PKIB: variants seen among roughly 807,000 people sequenced by gnomAD.
PKIB encodes the protein PKI-beta.
In PKIB, 2 loss-of-function variants were observed where a neutral mutation model predicts 4.5. The ratio of observed to expected loss-of-function variants is 0.44; its 90% CI spans 0.18 to 1.39. The LOEUF (loss-of-function observed/expected upper bound fraction) is 1.39, where lower values mean the gene tolerates loss of function less well. Among genes scored for constraint, PKIB ranks in the 40% most tolerant of loss-of-function variants. The pLI is 0.27. For synonymous variants in PKIB, 38 were observed against 36.0 expected, an observed-to-expected ratio of 1.06 and a Z score of -0.20; for missense variants, 94 against 92.6, an observed-to-expected ratio of 1.02 and a Z score of -0.06.
At chr6:122,702,529 A>C (rs190179027) in intron 3 of PKIB, among the ~76,000 whole-genome samples, 236 of 152,016 alleles carry the variant, frequency 1.6e-3, no homozygotes, top group Non-Finnish European at 2.7e-3. Flanking sequence ...AGTTTTCGCC[A>C]TGTTGGTCTC....
chr6:122,474,566 T>C (rs554334436), intron 1 of PKIB, among the ~76,000 whole-genome samples: 4 of 152,208 alleles, frequency 2.6e-5, no homozygotes, highest in Admixed American at 6.5e-5. Flanking sequence ...CTGAAGGTTA[T>C]GTTTGTTGTC....
chr6:122,494,747 A>G (rs1776030370), intron 2 of PKIB, among the ~76,000 whole-genome samples: 4 of 152,200 alleles, frequency 2.6e-5, no homozygotes, highest in African/African-American at 9.6e-5. Context: ...AAAAAGAACA[A>G]ACAGAAGTGA....
chr6:122,627,233 G>C (rs1333076636), intron 1 of PKIB, among the ~76,000 whole-genome samples: 1 of 150,290 alleles, frequency 6.7e-6, no homozygotes, highest in Non-Finnish European at 1.5e-5. Context: ...GACAGAGTTA[G>C]ACTCCGTCTC....
chr6:122,620,632 G>A (rs1297597694), intron 1 of PKIB, among the ~76,000 whole-genome samples: 1 of 152,204 alleles, frequency 6.6e-6, no homozygotes, highest in Non-Finnish European at 1.5e-5. Context: ...TCCTGAGGCG[G>A]TGAGGTAAGA....
intron 3 of PKIB, among the ~76,000 whole-genome samples, chr6:122,683,228 C>T (rs1176454668): frequency 3.3e-5 from 5 of 152,160 alleles, no homozygotes; most frequent in African/African-American, 9.7e-5. Context: ...TTAATTGGCT[C>T]ATGGTTCTAC....
intron 2 of PKIB, among the ~76,000 whole-genome samples, chr6:122,648,758 GTC>G (rs2114870951): frequency 6.6e-6 from 1 of 152,308 alleles, no homozygotes; most frequent in South Asian, 2.1e-4. Context: ...GATAGAAGAA[GTC>G]TCATACAATC....
chr6:122,698,057 C>G (rs1446228422), intron 3 of PKIB, among the ~76,000 whole-genome samples: 1 of 152,148 alleles, frequency 6.6e-6, no homozygotes, highest in Non-Finnish European at 1.5e-5. Context: ...AGATAAATGT[C>G]TAGAGTGTGC....
chr6:122,604,847 G>C (rs139606449), intron 3 of PKIB, among the ~76,000 whole-genome samples: 2 of 152,096 alleles, frequency 1.3e-5, no homozygotes, highest in Non-Finnish European at 2.9e-5. Context: ...TCAGGAGTGG[G>C]GAGAGACACA....
intron 3 of PKIB, among the ~76,000 whole-genome samples, chr6:122,600,490 G>C (rs1275204235): frequency 6.6e-6 from 1 of 152,198 alleles, no homozygotes. Flanking sequence ...GGCACAAAGA[G>C]CTGGGATTAG....
chr6:122,539,215 T>G (rs1777508206), intron 2 of PKIB, among the ~76,000 whole-genome samples: 1 of 152,054 alleles, frequency 6.6e-6, no homozygotes, highest in African/African-American at 2.4e-5. Flanking sequence ...CTTCCAACAC[T>G]ATGTTGAATA....
chr6:122,473,968 A>G (rs1775382968), intron 1 of PKIB, among the ~76,000 whole-genome samples: 1 of 152,222 alleles, frequency 6.6e-6, no homozygotes, highest in African/African-American at 2.4e-5. Flanking sequence ...ACCTGTCTCT[A>G]CTAAAAATAC....
At chr6:122,564,511 T>C (rs1773124727) in intron 2 of PKIB, among the ~76,000 whole-genome samples, 1 of 152,182 alleles carries the variant, frequency 6.6e-6, no homozygotes, top group South Asian at 2.1e-4. Flanking sequence ...GGTTTATTTG[T>C]TTAACCACCT....
At chr6:122,589,508 G>C (rs757440200) in intron 3 of PKIB, among the ~76,000 whole-genome samples, 2 of 152,088 alleles carry the variant, frequency 1.3e-5, no homozygotes, top group Non-Finnish European at 2.9e-5. Flanking sequence ...GGCTGTCAAA[G>C]GTGATTTGAT....
intron 1 of PKIB, among the ~76,000 whole-genome samples, chr6:122,616,799 G>A (rs1259874885): frequency 6.6e-6 from 1 of 151,944 alleles, no homozygotes; most frequent in African/African-American, 2.4e-5. Context: ...CCCTAGGGTT[G>A]GAGTCTGGTG....
chr6:122,689,963 T>A (rs755832033), intron 3 of PKIB, among the ~76,000 whole-genome samples: 2 of 152,152 alleles, frequency 1.3e-5, no homozygotes, highest in Non-Finnish European at 2.9e-5. Context: ...ATATTTAAAA[T>A]TGTTATATCC....
chr6:122,706,472 A>G (rs1779059714), intron 3 of PKIB, among the ~76,000 whole-genome samples: 1 of 152,172 alleles, frequency 6.6e-6, no homozygotes, highest in Non-Finnish European at 1.5e-5. Flanking sequence ...CGGAAGATAT[A>G]GTAGATGCTT....
At chr6:122,567,353 T>G (rs1432870129) in intron 2 of PKIB, among the ~76,000 whole-genome samples, 1 of 152,192 alleles carries the variant, frequency 6.6e-6, no homozygotes, top group East Asian at 1.9e-4. Flanking sequence ...AGAATTAAGC[T>G]CTATTCACTC....
chr6:122,644,828 T>C (rs1438881668), intron 2 of PKIB: 2 of 152,126 alleles, frequency 1.3e-5, no homozygotes, highest in African/African-American at 4.8e-5. Context: ...TGATGATTTC[T>C]TTGTCATTTG....
chr6:122,474,682 G>A (rs1285015300), intron 1 of PKIB, among the ~76,000 whole-genome samples: 9 of 152,180 alleles, frequency 5.9e-5, no homozygotes, highest in Non-Finnish European at 1.3e-4. Flanking sequence ...GGGAAATTCA[G>A]GAGAAAGACC....
Sources: allele counts gnomAD v4.1 joint callset (sites outside exome capture counted in the v4.1 genomes callset), GRCh38; gene constraint gnomAD v4.1.1; transcripts MANE v1.5; gene names NCBI Gene and HGNC (gene_info 2026-07-23, HGNC 2026-07-21).